ANKIB1: variants seen among roughly 807,000 people sequenced by gnomAD.
ANKIB1 encodes ankyrin repeat and IBR domain containing 1.
Under a neutral mutation model 122.1 loss-of-function variants are expected in ANKIB1, and 43 were observed. The observed-to-expected ratio is 0.35, with a 90% CI of 0.28 to 0.45. The LOEUF is 0.45. Ranked by LOEUF, ANKIB1 falls within the 20% of genes least tolerant of loss-of-function variation. ANKIB1 has a pLI of 1.00. For synonymous variants in ANKIB1, 390 were observed against 442.0 expected, an observed-to-expected ratio of 0.88 and a Z score of 1.48; for missense variants, 992 against 1,329.5, an observed-to-expected ratio of 0.75 and a Z score of 3.95.
At chr7:92,391,785 T>A (rs571317806) in intron 16 of ANKIB1, among the ~76,000 whole-genome samples, 2 of 152,268 alleles carry the variant, frequency 1.3e-5, no homozygotes, top group African/African-American at 4.8e-5. Context: ...TGTAGTTATT[T>A]AAGTGATAAA....
intron 7 of ANKIB1, among the ~76,000 whole-genome samples, chr7:92,347,318 G>T (rs1235717145): frequency 1.3e-5 from 2 of 152,000 alleles, no homozygotes; most frequent in Non-Finnish European, 2.9e-5. Flanking sequence ...TTTGTTTTAA[G>T]CTCATCAGCT....
intron 17 of ANKIB1, among the ~76,000 whole-genome samples, chr7:92,394,402 G>C (rs573015088): frequency 4.3e-4 from 65 of 152,148 alleles, no homozygotes; most frequent in Admixed American, 1.4e-3. Flanking sequence ...TAAATTTTAT[G>C]AGAACAATAT....
intron 1 of ANKIB1, among the ~76,000 whole-genome samples, chr7:92,288,241 C>T (rs1228033408): frequency 6.6e-6 from 1 of 152,118 alleles, no homozygotes; most frequent in Admixed American, 6.5e-5. Context: ...TTTTCTAAAG[C>T]ACCATTCATA....
chr7:92,391,804 C>T (rs1264358492), intron 16 of ANKIB1, among the ~76,000 whole-genome samples: 45 of 152,186 alleles, frequency 3.0e-4, no homozygotes, highest in Non-Finnish European at 5.0e-4. Flanking sequence ...AACCCATCCA[C>T]TAAAGATCAG....
chr7:92,313,909 C>T (rs189819653), intron 3 of ANKIB1, among the ~76,000 whole-genome samples: 54 of 152,194 alleles, frequency 3.5e-4, no homozygotes, highest in Non-Finnish European at 6.3e-4. Flanking sequence ...AGTAATAAAA[C>T]ATTACTTTAA....
chr7:92,299,909 A>G (rs938744998), intron 2 of ANKIB1, among the ~76,000 whole-genome samples: 8 of 152,048 alleles, frequency 5.3e-5, no homozygotes, highest in African/African-American at 1.9e-4. Flanking sequence ...GGCTCAAGCA[A>G]TTTTCCTGCC....
rs1306664270 is a variant in ANKIB1, at chr7:92,400,734, A to G, written c.*1785A>G. The G allele has an allele frequency of 2.6e-5, 4 of 152,212 alleles. No individual in the cohort carries two copies. The highest frequency in any genetic ancestry group is 5.9e-5 in the Non-Finnish European group (4 of 68,044). 9.4% of individuals were successfully genotyped at this position (152,212 alleles called of 1,614,324 possible). ...TATGCCATGGATATCAAAGGTCCAC[A>G]TTAGTTTTTATTTCTCCAGTGATCA... On this transcript the variant is annotated 3_prime_UTR_variant, in exon 20 of 20. Coordinates refer to ENST00000265742, the MANE Select transcript of ANKIB1 (RefSeq NM_019004.2).
intron 14 of ANKIB1, among the ~76,000 whole-genome samples, chr7:92,388,815 A>G (rs1029665398): frequency 6.6e-6 from 1 of 152,248 alleles, no homozygotes; most frequent in Non-Finnish European, 1.5e-5. Context: ...AGTCAAGACA[A>G]TACCATAAGT....
rs1284834170 is a variant in ANKIB1, at chr7:92,307,528, A to T, written c.358A>T (p.Ile120Phe). The change falls in exon 3 of 20, where the codon ATC becomes TTC. Residue 120 changes from isoleucine to phenylalanine, a missense_variant. Ile to Phe is a conservative substitution (Grantham distance 21, BLOSUM62 0). Around this residue, in one of 4 missense-constraint regions of ANKIB1, gnomAD observed 521 missense variants for 777.7 expected, o/e 0.67. Transcript: ENST00000265742. ...CAGAAGAGCAGATTGTCTGCAGATGATCTTAAAATGGAAAGGAGCAAAACT... is the reference window on the plus strand; with the variant it reads ...CAGAAGAGCAGATTGTCTGCAGATGTTCTTAAAATGGAAAGGAGCAAAACT... ...DFRRADCLQMILKWKGAKLDQ... is the reference protein window; with the variant it reads ...DFRRADCLQMFLKWKGAKLDQ... The T allele has an allele frequency of 1.2e-6, 2 of 1,613,876 alleles. No homozygotes were observed. The highest frequency in any genetic ancestry group is 3.3e-5 in the Admixed American group (2 of 60,020).
intron 1 of ANKIB1, among the ~76,000 whole-genome samples, chr7:92,259,894 C>T (rs942409482): frequency 1.3e-5 from 2 of 152,100 alleles, no homozygotes; most frequent in Non-Finnish European, 2.9e-5. Flanking sequence ...TTGGTTCTTA[C>T]CTTCAGAGTA....
chr7:92,372,003 G>GTGTA (rs1233961916), intron 11 of ANKIB1, among the ~76,000 whole-genome samples: 8 of 116,186 alleles, frequency 6.9e-5, no homozygotes, highest in Admixed American at 5.9e-4. Context: ...GTGTGTGTGT[G>GTGTA]TGTGTGTGTA....
chr7:92,310,936 T>C (rs982695950), intron 3 of ANKIB1, among the ~76,000 whole-genome samples: 7 of 152,222 alleles, frequency 4.6e-5, no homozygotes, highest in Non-Finnish European at 1.0e-4. Context: ...TGTTTAACTG[T>C]ACAACTTAAT....
chr7:92,347,912 G>T (rs2097810), intron 7 of ANKIB1: 2 of 395,850 alleles, frequency 5.1e-6, no homozygotes, highest in Non-Finnish European at 9.8e-6. Context: ...TATAGTAATC[G>T]TTCAATAAAT....
At chr7:92,278,349 G>C (rs948506463) in intron 1 of ANKIB1, among the ~76,000 whole-genome samples, 1 of 152,184 alleles carries the variant, frequency 6.6e-6, no homozygotes, top group South Asian at 2.1e-4. Context: ...GGGCTGTTAG[G>C]TGTAATCATA....
intron 17 of ANKIB1, among the ~76,000 whole-genome samples, chr7:92,395,609 G>A (rs1317990593): frequency 1.3e-5 from 2 of 148,324 alleles, no homozygotes; most frequent in Admixed American, 6.8e-5. Context: ...CACAATCTCG[G>A]ATCACTGCAA....
Position 92,397,720 on chromosome 7 carries a change from CAG to C in ANKIB1, c.2396-1_2396del. ...GTCTTTGGTACCAATTGCTTTGAAA[CAG>C]ATATTCCAGAAGGCGGCAGCAGCAG... On this transcript the variant is annotated splice_acceptor_variant, in intron 18 of 19. Transcript: ENST00000265742. LOFTEE classifies it high-confidence loss of function. 6.2e-7 allele frequency: 1 copy of C among 1,610,262 alleles called. No individual in the cohort carries two copies. Among genetic ancestry groups the C allele is most frequent in the South Asian group, 1.1e-5 (1 of 90,766 alleles).
intron 1 of ANKIB1, among the ~76,000 whole-genome samples, chr7:92,288,821 C>T (rs71560811): frequency 1.3e-5 from 2 of 151,954 alleles, no homozygotes; most frequent in Non-Finnish European, 2.9e-5. Flanking sequence ...AATACTACTA[C>T]ACATCCATTA....
intron 1 of ANKIB1, among the ~76,000 whole-genome samples, chr7:92,257,723 C>T (rs1801477000): frequency 1.3e-5 from 2 of 152,168 alleles, no homozygotes; most frequent in African/African-American, 2.4e-5. Flanking sequence ...ACCCTGGAGG[C>T]GGAGGTTGCC....
At chr7:92,295,216 T>C in intron 2 of ANKIB1, 50 bp downstream of exon 2, 1 of 1,307,252 alleles carries the variant, frequency 7.6e-7, no homozygotes, top group Non-Finnish European at 1.0e-6. Flanking sequence ...CGTAAACTAA[T>C]TGGTAACAAA....
Sources: allele counts gnomAD v4.1 joint callset (sites outside exome capture counted in the v4.1 genomes callset), GRCh38; gene constraint gnomAD v4.1.1; regional missense constraint gnomAD v4.1.1; transcripts MANE v1.5; gene names NCBI Gene and HGNC (gene_info 2026-07-23, HGNC 2026-07-21).